Variants in ATF2 observed in about 807,000 individuals in gnomAD.
ATF2 encodes the protein cyclic AMP-dependent transcription factor ATF-2.
A neutral mutation model predicts 60.6 loss-of-function variants in ATF2; 24 were observed. The ratio of observed to expected loss-of-function variants is 0.40; its 90% CI spans 0.29 to 0.56. The LOEUF is 0.56. Among genes scored for constraint, ATF2 ranks in the 20% least tolerant of loss-of-function variants. The probability of loss-of-function intolerance (pLI) is 0.54; values close to 1 mark genes in which losing one functional copy is unlikely to be tolerated. For synonymous variants in ATF2, 206 were observed against 215.4 expected, an observed-to-expected ratio of 0.96 and a Z score of 0.38; for missense variants, 433 against 607.7, an observed-to-expected ratio of 0.71 and a Z score of 3.02.
At chr2:175,100,987 T>C (rs1209450830) in intron 10 of ATF2, among the ~76,000 whole-genome samples, 1 of 152,164 alleles carries the variant, frequency 6.6e-6, no homozygotes, top group Non-Finnish European at 1.5e-5. Context: ...CTGAGGAAAT[T>C]AAATTTATGT....
Position 175,155,870 on chromosome 2 carries a change from A to AT in ATF2, c.-142-4713dup, listed in dbSNP as rs918554699. Among the ~76,000 whole-genome samples, 16 of 152,282 alleles carry AT rather than the reference A, an allele frequency of 1.1e-4. 1 individual carries two copies. Among genetic ancestry groups the AT allele is most frequent in the African/African-American group, 3.6e-4 (15 of 41,560 alleles). On this transcript the variant is annotated intron_variant, in intron 1 of 13. Coordinates refer to ENST00000264110, the MANE Select transcript of ATF2 (RefSeq NM_001880.4). ...TGTATCTGGAAAAAACAGAAATTATATTTTTTTCAACAATTTCAATCTATG... is the reference window on the plus strand; with the variant it reads ...TGTATCTGGAAAAAACAGAAATTATATTTTTTTTCAACAATTTCAATCTATG...
At chr2:175,083,289 C>A (rs907314739) in intron 12 of ATF2, among the ~76,000 whole-genome samples, 17 of 152,056 alleles carry the variant, frequency 1.1e-4, no homozygotes, top group African/African-American at 3.9e-4. Context: ...GTACTGGTAC[C>A]AAAACAGAGA....
chr2:175,086,561 C>CAT (rs201833699), intron 12 of ATF2, among the ~76,000 whole-genome samples: 11 of 151,998 alleles, frequency 7.2e-5, no homozygotes, highest in Non-Finnish European at 8.8e-5. Flanking sequence ...GTTCCTAAGT[C>CAT]ATATATATAT....
At chr2:175,109,121 T>G (rs1232354436) in intron 10 of ATF2, among the ~76,000 whole-genome samples, 1 of 134,620 alleles carries the variant, frequency 7.4e-6, no homozygotes. Flanking sequence ...TATTGTCCTA[T>G]GACCCTGCCA....
chr2:175,088,611 C>A (rs1041998485), intron 12 of ATF2, among the ~76,000 whole-genome samples: 1 of 151,702 alleles, frequency 6.6e-6, no homozygotes, highest in Admixed American at 6.6e-5. Context: ...TTGCCGTTAC[C>A]TTTAATGGCA....
intron 3 of ATF2, among the ~76,000 whole-genome samples, chr2:175,133,765 C>A (rs1697921720): frequency 6.6e-6 from 1 of 152,026 alleles, no homozygotes; most frequent in African/African-American, 2.4e-5. Context: ...AGGAAAGAAT[C>A]TTCATGATTT....
chr2:175,103,627 T>C (rs1290809474), intron 10 of ATF2, among the ~76,000 whole-genome samples: 2 of 150,182 alleles, frequency 1.3e-5, no homozygotes, highest in African/African-American at 4.9e-5. Flanking sequence ...GCAGAAAACC[T>C]ACTGGCTACC....
intron 7 of ATF2, among the ~76,000 whole-genome samples, chr2:175,117,456 T>C (rs1480599253): frequency 1.3e-5 from 2 of 151,976 alleles, no homozygotes; most frequent in Non-Finnish European, 2.9e-5. Context: ...TCTATGTGCT[T>C]GTGAACAAAA....
chr2:175,074,531 A>C lies in ATF2; in HGVS notation c.*78T>G, dbSNP rs1693147197. 6.8e-7 allele frequency: 1 copy of C among 1,469,164 alleles called. No homozygotes were observed. The allele number at this position is 1,469,164 out of a possible 1,614,324, so 91.0% of individuals were successfully genotyped here. ...AATTTACAACCACAGATTTCGCATA[A>C]ATGGAAACTGGTCTTTCCTTGATTT... is the stretch of plus-strand genomic sequence containing the variant. On this transcript the variant is annotated 3_prime_UTR_variant, in exon 14 of 14. Coordinates refer to ENST00000264110, the MANE Select transcript of ATF2 (RefSeq NM_001880.4).
intron 11 of ATF2, among the ~76,000 whole-genome samples, chr2:175,096,868 CT>C (rs1694970872): frequency 6.6e-6 from 1 of 152,102 alleles, no homozygotes; most frequent in Non-Finnish European, 1.5e-5. Context: ...AGAACTTAAC[CT>C]ATTAAATTTT....
intron 12 of ATF2, among the ~76,000 whole-genome samples, chr2:175,089,724 T>C (rs1200730630): frequency 6.6e-6 from 1 of 152,118 alleles, no homozygotes; most frequent in African/African-American, 2.4e-5. Flanking sequence ...GACAAATAAG[T>C]AGAAAACAAC....
chr2:175,141,587 G>A (rs1698540592), intron 2 of ATF2, among the ~76,000 whole-genome samples: 1 of 151,952 alleles, frequency 6.6e-6, no homozygotes, highest in Non-Finnish European at 1.5e-5. Flanking sequence ...CCATCTCCCG[G>A]GTTCACGCCA....
At chr2:175,084,118 A>T (rs1193929) in intron 12 of ATF2, among the ~76,000 whole-genome samples, 2 of 152,200 alleles carry the variant, frequency 1.3e-5, no homozygotes, top group South Asian at 2.1e-4. Context: ...AGAAATACCA[A>T]TTGACCCAGC....
chr2:175,136,333 C>A (rs1698141849), intron 3 of ATF2, 79 bp downstream of exon 3: 2 of 1,338,176 alleles, frequency 1.5e-6, no homozygotes, highest in Admixed American at 3.6e-5. Context: ...AAATACTTAC[C>A]TAATAGAAAC....
intron 11 of ATF2, among the ~76,000 whole-genome samples, chr2:175,095,264 A>C (rs1006889932): frequency 6.6e-6 from 1 of 151,812 alleles, no homozygotes; most frequent in Non-Finnish European, 1.5e-5. Flanking sequence ...CACCCAGCTT[A>C]ATTTTTGTAT....
chr2:175,114,262 T>C, intron 8 of ATF2, 154 bp from the exon 9 acceptor site: 1 of 1,396,250 alleles, frequency 7.2e-7, no homozygotes, highest in Non-Finnish European at 9.2e-7. Flanking sequence ...TTATTTTTAA[T>C]TGCATCTTAA....
At chr2:175,153,022 C>T (rs1435828084) in intron 1 of ATF2, among the ~76,000 whole-genome samples, 1 of 152,054 alleles carries the variant, frequency 6.6e-6, no homozygotes, top group Non-Finnish European at 1.5e-5. Flanking sequence ...CACAAAAGAC[C>T]AGGTACAAAA....
intron 12 of ATF2, among the ~76,000 whole-genome samples, chr2:175,082,296 T>C (rs1222314787): frequency 6.6e-6 from 1 of 152,216 alleles, no homozygotes; most frequent in African/African-American, 2.4e-5. Context: ...AATATTGTAT[T>C]TGAGGCAAGA....
chr2:175,139,070 G>A lies in ATF2; in HGVS notation c.-43-2584C>T, dbSNP rs556916550. Among the ~76,000 whole-genome samples the A allele has an allele frequency of 5.9e-5, 9 of 152,320 alleles. No homozygotes were observed. In the South Asian group the frequency reaches 1.7e-3, roughly 28 times the overall value. On this transcript the variant is annotated intron_variant, in intron 2 of 13. Transcript: ENST00000264110. ...TTGTAAGCATTTTAAAATAGTATAT[G>A]TAAAGTATATAGCACAATGCTCGGC...
Sources: gnomAD v4.1 joint callset for allele counts (sites outside exome capture counted in the v4.1 genomes callset) on GRCh38, gnomAD v4.1.1 for gene constraint, MANE v1.5 for transcripts, NCBI Gene and HGNC (gene_info 2026-07-23, HGNC 2026-07-21) for gene names.